CLIP2: variants seen among roughly 807,000 people sequenced by gnomAD.
The protein encoded by CLIP2 is CAP-Gly domain containing linker protein 2, also known as CAP-Gly domain-containing linker protein 2.
In CLIP2, 41 loss-of-function variants were observed where a neutral mutation model predicts 111.7. The observed-to-expected ratio is 0.37, with a 90% CI of 0.29 to 0.48. The LOEUF (loss-of-function observed/expected upper bound fraction) is 0.48, where lower values mean the gene tolerates loss of function less well. CLIP2 is among the 20% of genes least tolerant of loss of function. The pLI is 0.99. For synonymous variants in CLIP2, 660 were observed against 644.2 expected (o/e 1.02, Z -0.37); for missense variants, 1,160 against 1,422.1 (o/e 0.82, Z 2.96).
chr7:74,312,115 A>G (rs555207868), intron 1 of CLIP2, among the ~76,000 whole-genome samples: 1 of 152,044 alleles, frequency 6.6e-6, no homozygotes, highest in East Asian at 1.9e-4. Flanking sequence ...TGTGGTGGCA[A>G]TGGGACGCCT....
intron 4 of CLIP2, among the ~76,000 whole-genome samples, chr7:74,355,319 C>G (rs1045079026): frequency 2.0e-5 from 3 of 152,030 alleles, no homozygotes; most frequent in Non-Finnish European, 4.4e-5. Flanking sequence ...GAATCAGAAG[C>G]TGGATGGGGG....
At chr7:74,352,899 C>T (rs1790047208) in intron 3 of CLIP2, among the ~76,000 whole-genome samples, 1 of 152,084 alleles carries the variant, frequency 6.6e-6, no homozygotes, top group Non-Finnish European at 1.5e-5. Context: ...ATTGCCCCAT[C>T]TACTCAGGAG....
intron 2 of CLIP2, among the ~76,000 whole-genome samples, chr7:74,333,853 G>T (rs1236737683): frequency 6.6e-6 from 1 of 152,168 alleles, no homozygotes; most frequent in Admixed American, 6.6e-5. Context: ...CTTCGCGGGG[G>T]TTTGCTGGGG....
At chr7:74,308,713 C>T (rs896401002) in intron 1 of CLIP2, among the ~76,000 whole-genome samples, 2 of 152,008 alleles carry the variant, frequency 1.3e-5, no homozygotes, top group Admixed American at 6.6e-5. Context: ...CCACGTTGGC[C>T]GGGCTGGTCT....
chr7:74,311,137 G>A (rs186011899), intron 1 of CLIP2, among the ~76,000 whole-genome samples: 122 of 151,864 alleles, frequency 8.0e-4, no homozygotes, highest in African/African-American at 2.9e-3. Flanking sequence ...CTGCCACCAC[G>A]CTCGGCTAAT....
At chr7:74,403,037 C>G (rs1170363598) in intron 16 of CLIP2, among the ~76,000 whole-genome samples, 3 of 151,374 alleles carry the variant, frequency 2.0e-5, no homozygotes, top group African/African-American at 7.3e-5. Context: ...ATAGCGAAAC[C>G]CCATCTCTAC....
chr7:74,294,678 C>G (rs1554725851), intron 1 of CLIP2, among the ~76,000 whole-genome samples: 1 of 152,198 alleles, frequency 6.6e-6, no homozygotes, highest in Non-Finnish European at 1.5e-5. Flanking sequence ...TGCCCTAGCT[C>G]CTTTTGGGGG....
intron 2 of CLIP2, among the ~76,000 whole-genome samples, chr7:74,330,406 G>A (rs887820368): frequency 2.6e-5 from 4 of 151,512 alleles, no homozygotes; most frequent in African/African-American, 9.7e-5. Flanking sequence ...ACAGGTATGC[G>A]CCACCATGCC....
rs1290104164 is a variant in CLIP2, at chr7:74,356,548, T to C, written c.942T>C (p.Ser314=). 3 of 1,614,182 alleles carry C rather than the reference T, an allele frequency of 1.9e-6. No homozygotes were observed. Among genetic ancestry groups the C allele is most frequent in the Non-Finnish European group, 2.5e-6 (3 of 1,180,036 alleles). Residue 314 remains serine, a synonymous_variant, in exon 5 of 17, where the codon AGT becomes AGC. Coordinates refer to ENST00000223398, the MANE Select transcript of CLIP2 (RefSeq NM_003388.5). ...MAMGVSALTH[S]PSSSSISSVS... The stretch of plus-strand genomic sequence containing the variant: ...TGGGTGTGTCAGCACTGACCCACAG[T>C]CCCAGCAGTTCCTCCATCAGCTCCG...
intron 1 of CLIP2, among the ~76,000 whole-genome samples, chr7:74,298,221 T>C (rs1322501974): frequency 6.6e-6 from 1 of 152,100 alleles, no homozygotes; most frequent in Non-Finnish European, 1.5e-5. Context: ...AGTTTCACTC[T>C]GTTGCCCAGG....
At chr7:74,360,135 G>C in intron 6 of CLIP2, 40 bp from the exon 7 acceptor site, 1 of 1,523,108 alleles carries the variant, frequency 6.6e-7, no homozygotes, top group African/African-American at 1.4e-5. Flanking sequence ...CCATACCCCG[G>C]AGCATGCTGA....
chr7:74,372,906 C>CCCCCCCT, intron 8 of CLIP2, 26 bp from the exon 9 acceptor site: 1 of 1,248,040 alleles, frequency 8.0e-7, no homozygotes, highest in Non-Finnish European at 1.1e-6. Context: ...CCCACCCCCC[C>CCCCCCCT]ACCGTGTCCA....
In CLIP2 at chr7:74,404,742, C is replaced by T. The variant is rs1554318280; in HGVS notation, c.*894C>T. On this transcript the variant is annotated 3_prime_UTR_variant, in exon 17 of 17. Coordinates refer to ENST00000223398, the MANE Select transcript of CLIP2 (RefSeq NM_003388.5). ...GGGTTGACCAGATGTTCCAAAATAT[C>T]TGCATCCACCTGGAGATGCAGCTAA... 6.6e-6 allele frequency: 1 copy of T among 152,290 alleles called. No homozygotes were observed. The highest frequency in any genetic ancestry group is 1.9e-4 in the East Asian group (1 of 5,182). 9.4% of individuals were successfully genotyped at this position (152,290 alleles called of 1,614,324 possible).
At chr7:74,327,911 C>A (rs781975496) in intron 2 of CLIP2, among the ~76,000 whole-genome samples, 1 of 152,172 alleles carries the variant, frequency 6.6e-6, no homozygotes, top group Non-Finnish European at 1.5e-5. Flanking sequence ...GTTCCCCGGC[C>A]GCCTCTGCTG....
chr7:74,389,127 G>A lies in CLIP2; in HGVS notation c.2588G>A (p.Gly863Asp), dbSNP rs782229939. ...GCGCTGGAGAGCAAGTGTAAGTCAG[G>A]CGAGAAGAAGGTGGACGCCCTCCTG... is the stretch of plus-strand genomic sequence containing the variant. Reference protein sequence around the residue: ...VSALESKCKSGEKKVDALLKE... With the variant: ...VSALESKCKSDEKKVDALLKE... The change falls in exon 13 of 17, where the codon GGC becomes GAC. Residue 863 changes from glycine (G) to aspartate (D), a missense_variant. This residue lies in a region of CLIP2 where 676 missense variants were observed against 777.8 expected (regional missense o/e 0.87). Transcript: ENST00000223398. 3 of 1,612,862 alleles carry A rather than the reference G, an allele frequency of 1.9e-6. No individual in the cohort carries two copies. Among genetic ancestry groups the A allele is most frequent in the Non-Finnish European group, 2.5e-6 (3 of 1,179,632 alleles).
At chr7:74,334,497 C>G (rs1789392368) in intron 2 of CLIP2, among the ~76,000 whole-genome samples, 1 of 152,140 alleles carries the variant, frequency 6.6e-6, no homozygotes, top group African/African-American at 2.4e-5. Flanking sequence ...GCTGGGTCAC[C>G]TTCGACCTGG....
At chr7:74,335,683 C>CTTCCTTCT (rs1789430272) in intron 2 of CLIP2, among the ~76,000 whole-genome samples, 1 of 148,608 alleles carries the variant, frequency 6.7e-6, no homozygotes, top group East Asian at 2.0e-4. Context: ...TCCTTGCTTC[C>CTTCCTTCT]TTCCTTTCTC....
intron 12 of CLIP2, among the ~76,000 whole-genome samples, 185 bp downstream of exon 12, chr7:74,386,789 G>A (rs1279969444): frequency 2.0e-5 from 3 of 152,066 alleles, no homozygotes; most frequent in Non-Finnish European, 4.4e-5. Flanking sequence ...TTGGGAGTCC[G>A]AGGCAGGCGG....
At chr7:74,316,407 G>C (rs1788774518) in intron 1 of CLIP2, among the ~76,000 whole-genome samples, 1 of 151,910 alleles carries the variant, frequency 6.6e-6, no homozygotes, top group South Asian at 2.1e-4. Context: ...ACCACGCCTG[G>C]CTAATTTTTT....
Sources: gnomAD v4.1 joint callset for allele counts (sites outside exome capture counted in the v4.1 genomes callset) on GRCh38, gnomAD v4.1.1 for gene constraint, gnomAD v4.1.1 regional missense constraint, MANE v1.5 for transcripts, NCBI Gene and HGNC (gene_info 2026-07-23, HGNC 2026-07-21) for gene names.